The following PTP4A2 variants were observed in gnomAD, a reference collection of about 807,000 sequenced individuals.
PTP4A2 encodes protein tyrosine phosphatase type IVA 2.
Under a neutral mutation model 22.9 loss-of-function variants are expected in PTP4A2, and 2 were observed. The ratio of observed to expected loss-of-function variants is 0.09; its 90% CI spans 0.04 to 0.27. The LOEUF (loss-of-function observed/expected upper bound fraction) is 0.27, where lower values mean the gene tolerates loss of function less well. Ranked by LOEUF, PTP4A2 falls within the 10% of genes least tolerant of loss-of-function variation. The pLI, the probability that PTP4A2 is intolerant of heterozygous loss-of-function variation, is 1.00. For synonymous variants in PTP4A2, 68 were observed against 69.1 expected, an observed-to-expected ratio of 0.98 and a Z score of 0.08; for missense variants, 103 against 205.1, an observed-to-expected ratio of 0.50 and a Z score of 3.04.
intron 1 of PTP4A2, among the ~76,000 whole-genome samples, chr1:31,920,268 AC>A (rs200802233): frequency 0.047 from 7,114 of 150,636 alleles, 210 homozygotes; most frequent in Middle Eastern, 0.099. Flanking sequence ...ACATGGAGAA[AC>A]CCCGTCTCTA....
At position 31,912,317 on chromosome 1, in the gene PTP4A2, T is replaced by C. The variant is rs184434461; in HGVS notation, c.190-491A>G. 2.2e-3 allele frequency among the ~76,000 whole-genome samples: 334 copies of C among 152,320 alleles called. 1 individual carries two copies. The South Asian group carries it at 0.024, about 11-fold the overall frequency. On this transcript the variant is annotated intron_variant, in intron 3 of 5. Coordinates refer to ENST00000647444, the MANE Select transcript of PTP4A2 (RefSeq NM_080391.4). ...TTATGACATCTTTAGAGAAAGGTTA[T>C]CTGATAAGAAATCTCCAATAGTTAG...
chr1:31,907,150 C>G lies in PTP4A2; in HGVS notation c.*1702G>C, dbSNP rs1261375090. The G allele has an allele frequency of 6.6e-6, 1 of 152,268 alleles. No homozygotes were observed. Among genetic ancestry groups the G allele is most frequent in the East Asian group, 1.9e-4 (1 of 5,182 alleles). 9.4% of individuals were successfully genotyped at this position (152,268 alleles called of 1,614,324 possible). On this transcript the variant is annotated 3_prime_UTR_variant, in exon 6 of 6. Coordinates refer to ENST00000647444, the MANE Select transcript of PTP4A2 (RefSeq NM_080391.4). ...GTATCATCAGTGTGAGACAAGGTCC[C>G]GGTCTGTTCCTATTGGCCTAGCTGA...
At chr1:31,918,949 T>C (rs1270685964) in intron 2 of PTP4A2, 21 bp downstream of exon 2, 5 of 1,354,874 alleles carry the variant, frequency 3.7e-6, no homozygotes, top group East Asian at 2.3e-5. Context: ...ATCCAAAAAG[T>C]AGACCATGCC....
rs1322958029 is a variant in PTP4A2, at chr1:31,906,747, C to CACACACAT, written c.*2097_*2104dup. On this transcript the variant is annotated 3_prime_UTR_variant, in exon 6 of 6. Transcript: ENST00000647444. Reference sequence around the variant, plus strand: ...TGGACACTGCGCGTGCACACACACACACACACATACACACACACACACACA... The same window carrying CACACACAT: ...TGGACACTGCGCGTGCACACACACACACACACATACACACATACACACACACACACACA... 1.1e-5 allele frequency: 1 copy of CACACACAT among 88,098 alleles called. No homozygotes were observed. Among genetic ancestry groups the CACACACAT allele is most frequent in the Non-Finnish European group, 2.3e-5 (1 of 44,358 alleles). The allele number at this position is 88,098 out of a possible 1,614,324, so 5.5% of individuals were successfully genotyped here.
chr1:31,909,043 C>A, intron 5 of PTP4A2, 83 bp from the exon 6 acceptor site: 1 of 986,616 alleles, frequency 1.0e-6, no homozygotes, highest in South Asian at 1.4e-5. Flanking sequence ...CATCCTAAAG[C>A]CTTTCTAATT....
In PTP4A2 at chr1:31,906,736, GCACACACACACACACACATA is replaced by G. The variant is rs1651181718; in HGVS notation, c.*2096_*2115del. The G allele has an allele frequency of 2.3e-5, 3 of 131,662 alleles. No homozygotes were observed. Among genetic ancestry groups the G allele is most frequent in the East Asian group, 2.3e-4 (1 of 4,372 alleles). 8.2% of individuals were successfully genotyped at this position (131,662 alleles called of 1,614,324 possible). A position where few individuals can be genotyped will look rare whatever the true frequency, so the allele number is the denominator to read the frequency against. On this transcript the variant is annotated 3_prime_UTR_variant, in exon 6 of 6. Coordinates refer to ENST00000647444, the MANE Select transcript of PTP4A2 (RefSeq NM_080391.4). Reference sequence around the variant, plus strand: ...ACTGATACTGATGGACACTGCGCGTGCACACACACACACACACATACACACACACACACACACACACACAC... The same window carrying G: ...ACTGATACTGATGGACACTGCGCGTGCACACACACACACACACACACACAC...
chr1:31,936,832 G>C (rs142658557), intron 1 of PTP4A2, among the ~76,000 whole-genome samples: 1 of 152,188 alleles, frequency 6.6e-6, no homozygotes, highest in African/African-American at 2.4e-5. Context: ...ACTTCCCTCT[G>C]AAACTACTCT....
At chr1:31,923,212 T>TC (rs2124216677) in intron 1 of PTP4A2, among the ~76,000 whole-genome samples, 1 of 150,506 alleles carries the variant, frequency 6.6e-6, no homozygotes, top group East Asian at 2.0e-4. Flanking sequence ...CCCAGCCTCT[T>TC]CTTTTCTTTT....
At chr1:31,916,062 T>C (rs1651813785) in intron 2 of PTP4A2, 75 bp from the exon 3 acceptor site, 1 of 1,032,338 alleles carries the variant, frequency 9.7e-7, no homozygotes, top group South Asian at 1.6e-5. Context: ...TGTACTATTA[T>C]AGGCCGGGCG....
intron 1 of PTP4A2, among the ~76,000 whole-genome samples, chr1:31,927,136 A>G (rs532399490): frequency 4.6e-5 from 7 of 152,366 alleles, no homozygotes; most frequent in African/African-American, 1.7e-4. Context: ...AATGAAGCCA[A>G]TGAAGGGTTT....
intron 1 of PTP4A2, among the ~76,000 whole-genome samples, chr1:31,927,611 G>A (rs1426150425): frequency 2.0e-5 from 3 of 152,164 alleles, no homozygotes; most frequent in Admixed American, 6.5e-5. Context: ...TGGTAAGGGT[G>A]GAAGCAAGGA....
At chr1:31,923,329 CTTTTTTTTTTTT>C (rs894382854) in intron 1 of PTP4A2, among the ~76,000 whole-genome samples, 1 of 113,972 alleles carries the variant, frequency 8.8e-6, no homozygotes, top group Admixed American at 9.7e-5. Flanking sequence ...GCCTCAACCT[CTTTTTTTTTTTT>C]TTTTTTTTTT....
Position 31,932,028 on chromosome 1 carries a change from G to A in PTP4A2, c.-594+5959C>T, listed in dbSNP as rs144326390. Among the ~76,000 whole-genome samples, 378 of 152,246 alleles carry A rather than the reference G, an allele frequency of 2.5e-3. 4 individuals carry two copies. The highest frequency in any genetic ancestry group is 8.5e-3 in the African/African-American group (354 of 41,536). Reference sequence around the variant, plus strand: ...TAGTGAATGTTTCCTGTAAAACGGTGGGGAAAATAAAAAGTTGGTCAAATT... The same window carrying A: ...TAGTGAATGTTTCCTGTAAAACGGTAGGGAAAATAAAAAGTTGGTCAAATT... On this transcript the variant is annotated intron_variant, in intron 1 of 5. Transcript: ENST00000647444.
intron 3 of PTP4A2, chr1:31,915,535 ATT>A (rs33976935): frequency 0.068 from 7,268 of 107,130 alleles, 185 homozygotes; most frequent in Middle Eastern, 0.13. Flanking sequence ...CAAGTTTTTA[ATT>A]TTTTTTTTTT....
intron 1 of PTP4A2, among the ~76,000 whole-genome samples, chr1:31,919,989 G>A (rs947689195): frequency 6.6e-6 from 1 of 150,788 alleles, no homozygotes; most frequent in African/African-American, 2.4e-5. Context: ...AGCCAGGTGT[G>A]GTGGTGCATG....
At chr1:31,924,807 T>G (rs527906467) in intron 1 of PTP4A2, among the ~76,000 whole-genome samples, 3 of 152,272 alleles carry the variant, frequency 2.0e-5, no homozygotes, top group African/African-American at 7.2e-5. Flanking sequence ...CATTTCCATT[T>G]TTAACAAAAG....
chr1:31,910,132 T>A lies in PTP4A2; in HGVS notation c.321-20A>T. 1.3e-6 allele frequency: 2 copies of A among 1,592,590 alleles called. No homozygotes were observed. Among genetic ancestry groups the A allele is most frequent in the Non-Finnish European group, 1.7e-6 (2 of 1,161,774 alleles). ...GGTGCCCTGCAGAAAGAAACCTGTA[T>A]GTAAGTATCCATAAGTCTTGGAGTG... On this transcript the variant is annotated intron_variant, in intron 4 of 5. Transcript: ENST00000647444.
intron 3 of PTP4A2, chr1:31,912,898 A>C (rs1204918771): frequency 1.6e-5 from 6 of 376,906 alleles, no homozygotes; most frequent in Non-Finnish European, 2.1e-5. Context: ...GATTGAGTTG[A>C]CAACTACGCC....
At chr1:31,928,932 C>T (rs901874235) in intron 1 of PTP4A2, among the ~76,000 whole-genome samples, 11 of 152,104 alleles carry the variant, frequency 7.2e-5, no homozygotes, top group African/African-American at 2.7e-4. Flanking sequence ...AGTCAACAAT[C>T]GCACCTGCTT....
Sources: gnomAD v4.1 joint callset for allele counts (sites outside exome capture counted in the v4.1 genomes callset) on GRCh38, gnomAD v4.1.1 for gene constraint, MANE v1.5 for transcripts, NCBI Gene and HGNC (gene_info 2026-07-23, HGNC 2026-07-21) for gene names.